The following GABRG3 variants were observed in gnomAD, a reference collection of about 807,000 sequenced individuals.
GABRG3 encodes gamma-aminobutyric acid receptor subunit gamma-3.
A neutral mutation model predicts 48.8 loss-of-function variants in GABRG3; 25 were observed. That is an observed-to-expected ratio of 0.51 (90% CI 0.37 to 0.72). The LOEUF (loss-of-function observed/expected upper bound fraction) is 0.72, where lower values mean the gene tolerates loss of function less well. Ranked by LOEUF, GABRG3 falls within the 30% of genes least tolerant of loss-of-function variation. The pLI is 0.00. For synonymous variants in GABRG3, 227 were observed against 217.6 expected (o/e 1.04, Z -0.38); for missense variants, 394 against 577.9 (o/e 0.68, Z 3.26).
intron 6 of GABRG3, among the ~76,000 whole-genome samples, chr15:27,498,123 A>G (rs1890531400): frequency 6.6e-6 from 1 of 152,010 alleles, no homozygotes; most frequent in South Asian, 2.1e-4. Context: ...TTGATTTGTC[A>G]TATATGTGAT....
At chr15:27,469,885 C>A (rs1219061862) in intron 5 of GABRG3, among the ~76,000 whole-genome samples, 3 of 152,310 alleles carry the variant, frequency 2.0e-5, no homozygotes, top group African/African-American at 7.2e-5. Flanking sequence ...CTTTGCCTTA[C>A]AATGGAAAGA....
chr15:27,513,832 G>T (rs1037055823), intron 6 of GABRG3, among the ~76,000 whole-genome samples: 1 of 152,178 alleles, frequency 6.6e-6, no homozygotes, highest in Non-Finnish European at 1.5e-5. Flanking sequence ...AAATATAAAT[G>T]TAATGTAATT....
chr15:27,371,932 A>T (rs1165035112), intron 5 of GABRG3, among the ~76,000 whole-genome samples: 1 of 152,202 alleles, frequency 6.6e-6, no homozygotes, highest in East Asian at 1.9e-4. Context: ...ACAAAGTGAC[A>T]TGCTGGATCT....
At chr15:27,216,629 A>G (rs1253896842) in intron 3 of GABRG3, among the ~76,000 whole-genome samples, 2 of 152,082 alleles carry the variant, frequency 1.3e-5, no homozygotes, top group African/African-American at 2.4e-5. Context: ...CCAAATTTCA[A>G]TGGAACTCAA....
chr15:27,369,993 A>G (rs558850025), intron 5 of GABRG3, among the ~76,000 whole-genome samples: 15 of 152,080 alleles, frequency 9.9e-5, no homozygotes, highest in Middle Eastern at 3.2e-3. Context: ...GTGGAAGCGT[A>G]GTAGGTTGGA....
intron 3 of GABRG3, among the ~76,000 whole-genome samples, chr15:27,242,923 G>T (rs1180070264): frequency 6.6e-6 from 1 of 152,222 alleles, no homozygotes; most frequent in East Asian, 1.9e-4. Context: ...ATCAATGAAT[G>T]AATTGAAGCT....
chr15:27,201,964 G>A (rs1888698067), intron 3 of GABRG3, among the ~76,000 whole-genome samples: 1 of 152,136 alleles, frequency 6.6e-6, no homozygotes, highest in Non-Finnish European at 1.5e-5. Flanking sequence ...TTTGTGGTAA[G>A]TTTAATTCAT....
intron 3 of GABRG3, among the ~76,000 whole-genome samples, chr15:27,047,242 A>G (rs536225277): frequency 1.3e-5 from 2 of 152,320 alleles, no homozygotes; most frequent in Admixed American, 6.5e-5. Context: ...TACTGCTGAC[A>G]TTATTGGAGA....
At chr15:27,315,272 A>G (rs79416568) in intron 3 of GABRG3, among the ~76,000 whole-genome samples, 1 of 152,348 alleles carries the variant, frequency 6.6e-6, no homozygotes, top group African/African-American at 2.4e-5. Flanking sequence ...GAACTACTTC[A>G]AAATTGTGCT....
chr15:27,207,887 A>AT lies in GABRG3; in HGVS notation c.271-118921dup, dbSNP rs541474189. On this transcript the variant is annotated intron_variant, in intron 3 of 9. Coordinates refer to ENST00000615808, the MANE Select transcript of GABRG3 (RefSeq NM_033223.5). ...GTCCCCACTTCAGGGAAAAGACATC[A>AT]TAAGTTACAGAAACAGGACAACCAG... Among the ~76,000 whole-genome samples, 23 of 152,316 alleles carry AT rather than the reference A, an allele frequency of 1.5e-4. No homozygotes were observed. In the South Asian group the frequency reaches 4.6e-3, roughly 30 times the overall value.
chr15:27,352,611 C>G lies in GABRG3; in HGVS notation c.574+23723C>G, dbSNP rs932752153. Among the ~76,000 whole-genome samples, 13 of 152,096 alleles carry G rather than the reference C, an allele frequency of 8.5e-5. No homozygotes were observed. The highest frequency in any genetic ancestry group is 7.9e-4 in the Admixed American group (12 of 15,286). On this transcript the variant is annotated intron_variant, in intron 5 of 9. Coordinates refer to ENST00000615808, the MANE Select transcript of GABRG3 (RefSeq NM_033223.5). This position sits in a 1 kb window ranked among gnomAD's most constrained non-coding sequence, Gnocchi z 4.0. ...TGTGGGACAGGCGCTCACACCACCC[C>G]ACACTGCCCCGGGGAGGCAGGCCAA...
chr15:27,421,396 A>G (rs1197002305), intron 5 of GABRG3, among the ~76,000 whole-genome samples: 1 of 152,276 alleles, frequency 6.6e-6, no homozygotes, highest in Admixed American at 6.5e-5. Context: ...AGAAGCATCC[A>G]TGTAAGTGTG....
intron 3 of GABRG3, among the ~76,000 whole-genome samples, chr15:27,172,516 C>T (rs1057227417): frequency 6.6e-6 from 1 of 152,136 alleles, no homozygotes; most frequent in African/African-American, 2.4e-5. Flanking sequence ...TTGCATACTG[C>T]ACTTTTGCAA....
intron 3 of GABRG3, among the ~76,000 whole-genome samples, chr15:27,110,913 A>G (rs1039994136): frequency 5.9e-5 from 9 of 152,196 alleles, no homozygotes; most frequent in African/African-American, 2.2e-4. Context: ...AGCTTTCTGT[A>G]TCTGTGATTT....
At chr15:27,048,947 G>A (rs1236533402) in intron 3 of GABRG3, among the ~76,000 whole-genome samples, 2 of 152,328 alleles carry the variant, frequency 1.3e-5, no homozygotes, top group Non-Finnish European at 2.9e-5. Context: ...AGGTGTTTGG[G>A]GGCTACCCTG....
intron 3 of GABRG3, among the ~76,000 whole-genome samples, chr15:27,306,914 T>G (rs1321597280): frequency 1.7e-5 from 2 of 114,934 alleles, no homozygotes. Context: ...TATATAAACA[T>G]ACAATATAAA....
chr15:27,446,514 A>C (rs899928105), intron 5 of GABRG3, among the ~76,000 whole-genome samples: 2 of 152,204 alleles, frequency 1.3e-5, no homozygotes, highest in East Asian at 3.8e-4. Context: ...AAATGAGACA[A>C]GACTGTTACA....
At chr15:27,328,118 A>AAC (rs1893678956) in intron 4 of GABRG3, among the ~76,000 whole-genome samples, 1 of 133,884 alleles carries the variant, frequency 7.5e-6, no homozygotes, top group East Asian at 2.1e-4. Flanking sequence ...CAAACAAACA[A>AAC]AAAAAAAAAC....
chr15:27,089,244 G>A (rs1187747888), intron 3 of GABRG3, among the ~76,000 whole-genome samples: 2 of 152,140 alleles, frequency 1.3e-5, no homozygotes, highest in East Asian at 1.9e-4. Flanking sequence ...AATCAGCTGC[G>A]GAATCCACAG....
Sources: gnomAD v4.1 joint callset for allele counts (sites outside exome capture counted in the v4.1 genomes callset) on GRCh38, gnomAD v4.1.1 for gene constraint, Gnocchi (gnomAD v3.1) non-coding constraint, MANE v1.5 for transcripts, NCBI Gene and HGNC (gene_info 2026-07-23, HGNC 2026-07-21) for gene names.